Variants in GPHN observed in about 807,000 individuals in gnomAD.
GPHN encodes gephyrin.
Under a neutral mutation model 95.5 loss-of-function variants are expected in GPHN, and 17 were observed. The ratio of observed to expected loss-of-function variants is 0.18; its 90% CI spans 0.12 to 0.27. GPHN has a LOEUF of 0.27. Among genes scored for constraint, GPHN ranks in the 10% least tolerant of loss-of-function variants. The probability of loss-of-function intolerance (pLI) is 1.00; values close to 1 mark genes in which losing one functional copy is unlikely to be tolerated. For missense variants in GPHN, 660 were observed against 978.1 expected (o/e 0.67, Z 4.34); for synonymous variants, 320 against 322.5 (o/e 0.99, Z 0.08).
At chr14:66,801,798 C>T (rs2060362260) in intron 3 of GPHN, among the ~76,000 whole-genome samples, 1 of 149,700 alleles carries the variant, frequency 6.7e-6, no homozygotes, top group Admixed American at 6.6e-5. Context: ...TATGCCCGCT[C>T]CCGCTCCCGC....
At chr14:67,384,137 G>A in the GPHN span, 1 of 152,364 alleles carries the variant, frequency 6.6e-6, no homozygotes, top group South Asian at 2.1e-4. Flanking sequence ...CAACCTGTGT[G>A]AGAGAATTTA....
chr14:67,554,627 A>G, the GPHN span, among the ~76,000 whole-genome samples: 2 of 152,224 alleles, frequency 1.3e-5, no homozygotes, highest in Non-Finnish European at 1.5e-5. Flanking sequence ...ATGATGTCCA[A>G]TTGGGCAGCA....
At chr14:67,612,889 G>A in the GPHN span, among the ~76,000 whole-genome samples, 2 of 151,912 alleles carry the variant, frequency 1.3e-5, no homozygotes, top group South Asian at 2.1e-4. Context: ...AGGTCACAGT[G>A]AGCCGAGATC....
intron 16 of GPHN, among the ~76,000 whole-genome samples, chr14:67,118,418 A>G (rs776795447): frequency 2.6e-5 from 4 of 152,134 alleles, no homozygotes; most frequent in Admixed American, 6.5e-5. Flanking sequence ...CTGCAGGCTG[A>G]TAAGTGTCCA....
At chr14:67,435,547 T>G in the GPHN span, among the ~76,000 whole-genome samples, 1 of 151,990 alleles carries the variant, frequency 6.6e-6, no homozygotes, top group Admixed American at 6.5e-5. Flanking sequence ...GTCATTGGAG[T>G]GTTGTAACAC....
chr14:67,003,174 G>A (rs2072357921), intron 9 of GPHN, among the ~76,000 whole-genome samples: 1 of 151,586 alleles, frequency 6.6e-6, no homozygotes, highest in Non-Finnish European at 1.5e-5. Context: ...ATGACTAATA[G>A]GAATAGTGGT....
intron 15 of GPHN, 48 bp downstream of exon 15, chr14:67,111,967 G>C (rs1193959285): frequency 7.5e-7 from 1 of 1,341,052 alleles, no homozygotes; most frequent in African/African-American, 1.4e-5. Flanking sequence ...GTTTCTACAT[G>C]ATCATTTACT....
chr14:67,461,993 G>A, the GPHN span, among the ~76,000 whole-genome samples: 12 of 152,374 alleles, frequency 7.9e-5, no homozygotes, highest in South Asian at 6.2e-4. Context: ...CAGTGGGCAA[G>A]CCAGGGAGGC....
chr14:66,898,822 G>T (rs2064992238), intron 5 of GPHN, among the ~76,000 whole-genome samples: 1 of 151,922 alleles, frequency 6.6e-6, no homozygotes, highest in Non-Finnish European at 1.5e-5. Flanking sequence ...AATTTGGGTG[G>T]AAGTGACATC....
chr14:66,630,292 AAGGC>A lies in GPHN; in HGVS notation c.65-50811_65-50808del, dbSNP rs1361055572. Among the ~76,000 whole-genome samples the A allele has an allele frequency of 2.0e-5, 3 of 152,292 alleles. No homozygotes were observed. In the East Asian group the frequency reaches 5.8e-4, roughly 29 times the overall value. On this transcript the variant is annotated intron_variant, in intron 1 of 22. Transcript: ENST00000478722. ...TATAAGTAGAGAATTTAATAGAAGA[AAGGC>A]AGGTAATGTTGTTGAGATGTGTGGG...
chr14:67,426,855 G>A, the GPHN span, among the ~76,000 whole-genome samples: 2 of 152,294 alleles, frequency 1.3e-5, no homozygotes, highest in Non-Finnish European at 2.9e-5. Context: ...GATTACAGGC[G>A]TGAGCCACGG....
the GPHN span, chr14:67,395,477 G>A: frequency 1.1e-5 from 17 of 1,614,060 alleles, no homozygotes; most frequent in Non-Finnish European, 1.4e-5. Context: ...CGGCTGCCCT[G>A]CATGAATAGC....
chr14:67,466,038 G>C, the GPHN span, among the ~76,000 whole-genome samples: 3,263 of 152,282 alleles, frequency 0.021, 128 homozygotes, highest in African/African-American at 0.075. Flanking sequence ...CTGCCTTCCA[G>C]AAGTGTGACA....
chr14:67,438,393 C>A, the GPHN span, among the ~76,000 whole-genome samples: 278 of 152,310 alleles, frequency 1.8e-3, no homozygotes, highest in African/African-American at 6.3e-3. Flanking sequence ...CAAAATGGGA[C>A]ACAATCCTTC....
the GPHN span, among the ~76,000 whole-genome samples, chr14:67,327,003 C>T: frequency 3.3e-5 from 5 of 152,022 alleles, no homozygotes; most frequent in Admixed American, 6.6e-5. Flanking sequence ...AGTGAAACCC[C>T]GTCTCTACTA....
At chr14:66,676,876 G>A (rs1396900517) in intron 1 of GPHN, among the ~76,000 whole-genome samples, 1 of 151,892 alleles carries the variant, frequency 6.6e-6, no homozygotes, top group Admixed American at 6.6e-5. Flanking sequence ...TTTTGGAAGA[G>A]TTTCAGCAAA....
chr14:66,573,912 C>T (rs535291160), intron 1 of GPHN, among the ~76,000 whole-genome samples: 7 of 152,090 alleles, frequency 4.6e-5, no homozygotes, highest in Non-Finnish European at 1.0e-4. Context: ...AAATGAATCT[C>T]TTGTAGGCAG....
At chr14:67,176,551 T>C (rs2082964518) in intron 21 of GPHN, among the ~76,000 whole-genome samples, 2 of 152,162 alleles carry the variant, frequency 1.3e-5, no homozygotes, top group Non-Finnish European at 2.9e-5. Context: ...TTTTGTTGTG[T>C]CTCTGCCAGG....
the GPHN span, among the ~76,000 whole-genome samples, chr14:67,542,681 T>C: frequency 1.3e-5 from 2 of 148,432 alleles, no homozygotes; most frequent in African/African-American, 5.2e-5. Flanking sequence ...ACATTCTATT[T>C]TATTTTATTT....
Sources: gnomAD v4.1 joint callset for allele counts (sites outside exome capture counted in the v4.1 genomes callset) on GRCh38, gnomAD v4.1.1 for gene constraint, MANE v1.5 for transcripts, NCBI Gene and HGNC (gene_info 2026-07-23, HGNC 2026-07-21) for gene names.